LRRFIP1: variants seen among roughly 807,000 people sequenced by gnomAD.
LRRFIP1 encodes leucine-rich repeat flightless-interacting protein 1.
A neutral mutation model predicts 104.4 loss-of-function variants in LRRFIP1; 62 were observed. The ratio of observed to expected loss-of-function variants is 0.59; its 90% CI spans 0.48 to 0.73. The LOEUF (loss-of-function observed/expected upper bound fraction) is 0.73, where lower values mean the gene tolerates loss of function less well. LRRFIP1 is among the 30% of genes least tolerant of loss of function. LRRFIP1 has a pLI of 0.00. For synonymous variants in LRRFIP1, 300 were observed against 299.0 expected (o/e 1.00, Z -0.03); for missense variants, 796 against 824.5 (o/e 0.97, Z 0.42).
At chr2:237,715,382 C>T (rs1170618535) in intron 3 of LRRFIP1, among the ~76,000 whole-genome samples, 1 of 152,238 alleles carries the variant, frequency 6.6e-6, no homozygotes, top group Non-Finnish European at 1.5e-5. Context: ...GGAGCCCTCC[C>T]TGTAACTGAC....
intron 1 of LRRFIP1, among the ~76,000 whole-genome samples, chr2:237,669,893 G>A (rs6733552): frequency 0.89 from 134,806 of 152,236 alleles, 59,810 homozygotes; most frequent in East Asian, 0.93. Flanking sequence ...ACGTGGCATA[G>A]AGCCTCGCAC....
At chr2:237,773,808 T>C (rs2060857470) in intron 22 of LRRFIP1, 1 of 152,580 alleles carries the variant, frequency 6.6e-6, no homozygotes, top group African/African-American at 2.4e-5. Flanking sequence ...GAAACAAAAA[T>C]GAGAACAGCA....
intron 1 of LRRFIP1, among the ~76,000 whole-genome samples, chr2:237,669,016 G>A (rs962087739): frequency 1.3e-5 from 2 of 151,898 alleles, no homozygotes; most frequent in Non-Finnish European, 1.5e-5. Context: ...TTTTTTTAAG[G>A]AAAGAAATAA....
chr2:237,670,234 G>C (rs1225767876), intron 1 of LRRFIP1, among the ~76,000 whole-genome samples: 1 of 151,536 alleles, frequency 6.6e-6, no homozygotes, highest in Non-Finnish European at 1.5e-5. Context: ...GTCCTGCACC[G>C]GGACGTCAGT....
chr2:237,670,629 C>T lies in LRRFIP1; in HGVS notation c.97-37915C>T, dbSNP rs145003984. On this transcript the variant is annotated intron_variant, in intron 1 of 23. Coordinates refer to ENST00000308482, the MANE Select transcript of LRRFIP1 (RefSeq NM_001137550.2). ...AAGACATAGAAAGTGCCCAACACAG[C>T]GCCTGCAGGGCCAGCACTCGGTGGC... 8.3e-3 allele frequency among the ~76,000 whole-genome samples: 1,265 copies of T among 152,304 alleles called. 9 individuals carry two copies. The highest frequency in any genetic ancestry group is 0.031 in the Middle Eastern group (9 of 294).
intron 1 of LRRFIP1, among the ~76,000 whole-genome samples, chr2:237,662,770 G>A (rs2088270494): frequency 6.6e-6 from 1 of 151,758 alleles, no homozygotes; most frequent in Non-Finnish European, 1.5e-5. Context: ...CCAGAGGCGG[G>A]GCTTGGACAC....
In LRRFIP1 at chr2:237,775,743, C is replaced by T. The variant is rs189768286; in HGVS notation, c.1812+1281C>T. On this transcript the variant is annotated intron_variant, in intron 23 of 23. Transcript: ENST00000308482. ...GTCTCAGCTACTTGGGAGGCTGAGG[C>T]AGGAGGATTGCTTGAGCCTGGGAGG... Among the ~76,000 whole-genome samples, 23 of 152,162 alleles carry T rather than the reference C, an allele frequency of 1.5e-4. 2 individuals carry two copies. Among genetic ancestry groups the T allele is most frequent in the Admixed American group, 1.5e-3 (23 of 15,270 alleles).
intron 1 of LRRFIP1, among the ~76,000 whole-genome samples, chr2:237,666,330 TTCTTTTAAAATGA>T (rs1279452795): frequency 1.3e-5 from 2 of 152,272 alleles, no homozygotes; most frequent in Non-Finnish European, 2.9e-5. Flanking sequence ...CTTTTTAGGT[TTCTTTTAAAATGA>T]TCAGCAGTCT....
At chr2:237,768,415 A>G (rs1399246301) in intron 19 of LRRFIP1, 2 of 152,264 alleles carry the variant, frequency 1.3e-5, no homozygotes, top group African/African-American at 4.8e-5. Context: ...CAATTGTACA[A>G]TAGATACTTG....
At chr2:237,695,388 G>A (rs2093108549) in intron 1 of LRRFIP1, among the ~76,000 whole-genome samples, 1 of 152,192 alleles carries the variant, frequency 6.6e-6, no homozygotes, top group African/African-American at 2.4e-5. Flanking sequence ...GAAGTTGATT[G>A]GAGAGTTACC....
At chr2:237,741,883 T>C (rs2057137993) in intron 11 of LRRFIP1, among the ~76,000 whole-genome samples, 1 of 152,016 alleles carries the variant, frequency 6.6e-6, no homozygotes, top group South Asian at 2.1e-4. Context: ...TATTTACAAT[T>C]GACAGAAGAA....
At chr2:237,669,415 A>G (rs2089996575) in intron 1 of LRRFIP1, among the ~76,000 whole-genome samples, 1 of 152,188 alleles carries the variant, frequency 6.6e-6, no homozygotes, top group African/African-American at 2.4e-5. Context: ...CAGCTAACTG[A>G]TTCTTAGGTA....
rs1331324034 is a variant in LRRFIP1, at chr2:237,703,362, T to G, written c.97-5182T>G. ...TCAACTCACTTCCTTGGTTTCCTGT[T>G]GCTCTTCCCACCCCATACCTGCTCC... On this transcript the variant is annotated intron_variant, in intron 1 of 23. Coordinates refer to ENST00000308482, the MANE Select transcript of LRRFIP1 (RefSeq NM_001137550.2). This position sits in a 1 kb window ranked among gnomAD's most constrained non-coding sequence, Gnocchi z 4.3. Among the ~76,000 whole-genome samples the G allele has an allele frequency of 6.6e-6, 1 of 152,176 alleles. No individual in the cohort carries two copies. The highest frequency in any genetic ancestry group is 1.5e-5 in the Non-Finnish European group (1 of 68,044).
rs1246170596 is a variant in LRRFIP1 at position 237,766,524 on chromosome 2, A to C, written c.1460-3419A>C. On this transcript the variant is annotated intron_variant, in intron 19 of 23. Transcript: ENST00000308482. This position sits in a 1 kb window ranked among gnomAD's most constrained non-coding sequence, Gnocchi z 4.8. ...GCCATTTTAAGTTCTTTCTCATGTT[A>C]TTCACCAGCACCCTGCAGGACGTTG... 6.6e-6 allele frequency among the ~76,000 whole-genome samples: 1 copy of C among 152,142 alleles called. No individual in the cohort carries two copies. Among genetic ancestry groups the C allele is most frequent in the African/African-American group, 2.4e-5 (1 of 41,430 alleles).
At chr2:237,729,317 G>A (rs766571782) in intron 8 of LRRFIP1, among the ~76,000 whole-genome samples, 3 of 152,204 alleles carry the variant, frequency 2.0e-5, no homozygotes, top group African/African-American at 4.8e-5. Flanking sequence ...TCCAGTGGAC[G>A]GGTGGCAGCA....
chr2:237,764,157 G>C, intron 19 of LRRFIP1: 2 of 1,614,114 alleles, frequency 1.2e-6, no homozygotes, highest in Non-Finnish European at 8.5e-7. Context: ...GCAGGCGGCA[G>C]GCGCGGTGCA....
intron 1 of LRRFIP1, among the ~76,000 whole-genome samples, chr2:237,641,730 C>T (rs1203953613): frequency 6.6e-6 from 1 of 152,108 alleles, no homozygotes. Flanking sequence ...TTACCAATAG[C>T]TTGTTTTTTT....
At chr2:237,702,228 G>A (rs754282874) in intron 1 of LRRFIP1, among the ~76,000 whole-genome samples, 4 of 152,194 alleles carry the variant, frequency 2.6e-5, no homozygotes, top group African/African-American at 4.8e-5. Flanking sequence ...AAAATAAGAC[G>A]CAACAATAGA....
At chr2:237,752,592 C>G (rs2058756877) in intron 14 of LRRFIP1, among the ~76,000 whole-genome samples, 1 of 140,398 alleles carries the variant, frequency 7.1e-6, no homozygotes, top group African/African-American at 2.6e-5. Flanking sequence ...ATGTATGCGC[C>G]CTGAAGGTTC....
Sources: gnomAD v4.1 joint callset for allele counts (sites outside exome capture counted in the v4.1 genomes callset) on GRCh38, gnomAD v4.1.1 for gene constraint, Gnocchi (gnomAD v3.1) non-coding constraint, MANE v1.5 for transcripts, NCBI Gene and HGNC (gene_info 2026-07-23, HGNC 2026-07-21) for gene names.